SYNE2: variants seen among roughly 807,000 people sequenced by gnomAD.
The protein encoded by SYNE2 is spectrin repeat containing nuclear envelope protein 2.
Under a neutral mutation model 856.3 loss-of-function variants are expected in SYNE2, and 431 were observed. That is an observed-to-expected ratio of 0.50 (90% CI 0.47 to 0.55). The LOEUF (loss-of-function observed/expected upper bound fraction) is 0.55, where lower values mean the gene tolerates loss of function less well. SYNE2 is among the 20% of genes least tolerant of loss of function. The probability of loss-of-function intolerance (pLI) is 0.00; values close to 1 mark genes in which losing one functional copy is unlikely to be tolerated. For synonymous variants in SYNE2, 2,923 were observed against 2,872.3 expected, an observed-to-expected ratio of 1.02 and a Z score of -0.56; for missense variants, 8,129 against 8,023.2, an observed-to-expected ratio of 1.01 and a Z score of -0.50.
In SYNE2 at chr14:64,122,221, C is replaced by T; in HGVS notation, c.13281-65C>T. 3 of 1,613,898 alleles carry T rather than the reference C, an allele frequency of 1.9e-6. No homozygotes were observed. In the South Asian group the frequency reaches 3.3e-5, roughly 18 times the overall value. On this transcript the variant is annotated intron_variant, in intron 69 of 115. Transcript: ENST00000555002. ...TTTCTTTTAAAAATTGCTCATAGAA[C>T]TGTGAATGTAATACAAAATGTTTAG...
At chr14:63,968,879 ATTAAG>A (rs2096434427) in intron 11 of SYNE2, among the ~76,000 whole-genome samples, 1 of 152,182 alleles carries the variant, frequency 6.6e-6, no homozygotes, top group Admixed American at 6.5e-5. Context: ...AAAATGTACA[ATTAAG>A]TTATTATTGA....
chr14:64,016,470 CA>C lies in SYNE2; in HGVS notation c.4729-2del. The C allele has an allele frequency of 6.4e-6, 10 of 1,559,886 alleles. No individual in the cohort carries two copies. The highest frequency in any genetic ancestry group is 8.7e-6 in the Non-Finnish European group (10 of 1,143,018). ...AGAAATAACTTTCATATCTTTTTTA[CA>C]GATTGAAATTGTCAAAGAAGAATTT... is the stretch of plus-strand genomic sequence containing the variant. On this transcript the variant is annotated splice_acceptor_variant, in intron 32 of 115. Coordinates refer to ENST00000555002, the MANE Select transcript of SYNE2 (RefSeq NM_182914.3). LOFTEE classifies it high-confidence loss of function.
intron 2 of SYNE2, among the ~76,000 whole-genome samples, chr14:63,925,875 A>G (rs2095658431): frequency 6.6e-6 from 1 of 151,472 alleles, no homozygotes; most frequent in African/African-American, 2.4e-5. Context: ...CTTTTTTGGG[A>G]TAGGGTCTCA....
chr14:64,092,690 C>T (rs76361129), intron 60 of SYNE2, among the ~76,000 whole-genome samples: 10 of 152,150 alleles, frequency 6.6e-5, no homozygotes, highest in Non-Finnish European at 1.2e-4. Context: ...TGTTTTTCAT[C>T]GTGCTTAATC....
chr14:63,837,942 A>G (rs1889915573), intron 1 of SYNE2, among the ~76,000 whole-genome samples: 2 of 151,080 alleles, frequency 1.3e-5, no homozygotes, highest in East Asian at 1.9e-4. Flanking sequence ...AAAAAAAAAA[A>G]GAGCAAAGTA....
intron 77 of SYNE2, among the ~76,000 whole-genome samples, chr14:64,132,844 C>T (rs1050949464): frequency 1.3e-5 from 2 of 152,170 alleles, no homozygotes; most frequent in African/African-American, 4.8e-5. Flanking sequence ...GCATAAAGCT[C>T]CTTCTCAGTT....
chr14:63,807,411 A>G (rs777242357), intron 1 of SYNE2, among the ~76,000 whole-genome samples: 58 of 151,952 alleles, frequency 3.8e-4, no homozygotes, highest in Non-Finnish European at 5.9e-4. Flanking sequence ...GAAAAAGGAG[A>G]CTAAAGGACA....
chr14:64,054,881 AT>A (rs1360351468), intron 48 of SYNE2, among the ~76,000 whole-genome samples: 1 of 152,208 alleles, frequency 6.6e-6, no homozygotes, highest in Non-Finnish European at 1.5e-5. Flanking sequence ...TATCTGGAAT[AT>A]TTTGATAGGT....
intron 2 of SYNE2, among the ~76,000 whole-genome samples, chr14:63,933,045 T>G (rs1054857661): frequency 6.6e-6 from 1 of 152,142 alleles, no homozygotes; most frequent in African/African-American, 2.4e-5. Flanking sequence ...GAGTGAAAGA[T>G]CAAAGTAATG....
chr14:64,026,050 A>G (rs1163991747), intron 41 of SYNE2, among the ~76,000 whole-genome samples: 2 of 152,192 alleles, frequency 1.3e-5, no homozygotes, highest in African/African-American at 4.8e-5. Flanking sequence ...AGAGGAAGAA[A>G]TGGCCAAAAA....
intron 66 of SYNE2, among the ~76,000 whole-genome samples, chr14:64,118,965 T>A (rs944095458): frequency 6.6e-6 from 1 of 152,114 alleles, no homozygotes; most frequent in African/African-American, 2.4e-5. Flanking sequence ...ATGGATTTAA[T>A]TCATTCACTC....
chr14:64,017,700 G>A lies in SYNE2; in HGVS notation c.4993G>A (p.Ala1665Thr), dbSNP rs1411184539. 6.2e-7 allele frequency: 1 copy of A among 1,613,696 alleles called. No homozygotes were observed. Among genetic ancestry groups the A allele is most frequent in the Non-Finnish European group, 8.5e-7 (1 of 1,179,768 alleles). ...TGTCATTGATGAGTGGACAGAAAAGGCCCTTCAAAAAATGGAATTACATCA... is the reference window on the plus strand; with the variant it reads ...TGTCATTGATGAGTGGACAGAAAAGACCCTTCAAAAAATGGAATTACATCA... ...KNVIDEWTEK[A>T]LQKMELHQLT... is the part of the protein sequence containing the mutation. Residue 1665 changes from alanine (A) to threonine (T), a missense_variant, in exon 34 of 116, where the codon GCC (alanine) becomes ACC (threonine). This residue lies in a region of SYNE2 where 2,422 missense variants were observed against 2,357.4 expected (regional missense o/e 1.03). Transcript: ENST00000555002.
chr14:63,943,454 ATAAC>A (rs1353607276), intron 6 of SYNE2, among the ~76,000 whole-genome samples: 1 of 152,162 alleles, frequency 6.6e-6, no homozygotes, highest in East Asian at 1.9e-4. Context: ...GAAAAATAGC[ATAAC>A]TAACATATAA....
At chr14:64,076,689 A>G (rs2097462674) in intron 54 of SYNE2, among the ~76,000 whole-genome samples, 1 of 152,058 alleles carries the variant, frequency 6.6e-6, no homozygotes, top group Non-Finnish European at 1.5e-5. Flanking sequence ...GTAGAAAGAC[A>G]GCCCATATCA....
At chr14:63,884,850 C>CA (rs556667554) in intron 1 of SYNE2, among the ~76,000 whole-genome samples, 19 of 151,902 alleles carry the variant, frequency 1.3e-4, no homozygotes, top group Non-Finnish European at 2.4e-4. Context: ...CCGGGTTAGC[C>CA]AGGATGGTCT....
chr14:64,166,403 A>G (rs1015149931), intron 90 of SYNE2, among the ~76,000 whole-genome samples: 1 of 152,230 alleles, frequency 6.6e-6, no homozygotes, highest in Non-Finnish European at 1.5e-5. Context: ...GGTAACTTCA[A>G]TATTGTTAAG....
At chr14:63,994,982 A>G (rs2096701534) in intron 22 of SYNE2, 62 bp from the exon 23 acceptor site, 4 of 1,115,244 alleles carry the variant, frequency 3.6e-6, no homozygotes, top group African/African-American at 1.6e-5. Context: ...TATTGTTACT[A>G]TAAATACTTT....
At chr14:64,030,104 T>G in intron 44 of SYNE2, 45 bp downstream of exon 44, 1 of 1,552,054 alleles carries the variant, frequency 6.4e-7, no homozygotes, top group Non-Finnish European at 8.9e-7. Context: ...AAAAAAAAAA[T>G]CAGTGTTAAT....
intron 9 of SYNE2, among the ~76,000 whole-genome samples, chr14:63,963,314 A>C (rs962805575): frequency 1.3e-5 from 2 of 152,276 alleles, no homozygotes; most frequent in Non-Finnish European, 2.9e-5. Flanking sequence ...TTTACTTAAT[A>C]GGAAAAAACA....
Sources: allele counts gnomAD v4.1 joint callset (sites outside exome capture counted in the v4.1 genomes callset), GRCh38; gene constraint gnomAD v4.1.1; regional missense constraint gnomAD v4.1.1; transcripts MANE v1.5; gene names NCBI Gene and HGNC (gene_info 2026-07-23, HGNC 2026-07-21).